Variants in GPC5 observed in about 807,000 individuals in gnomAD.
GPC5 encodes glypican 5.
Under a neutral mutation model 53.9 loss-of-function variants are expected in GPC5, and 47 were observed. That is an observed-to-expected ratio of 0.87 (90% CI 0.69 to 1.11). The LOEUF (loss-of-function observed/expected upper bound fraction) is 1.11. Ranked by LOEUF, GPC5 falls within the 50% of genes most tolerant of loss-of-function variation. The probability of loss-of-function intolerance (pLI) is 0.00; values close to 1 mark genes in which losing one functional copy is unlikely to be tolerated. For missense variants in GPC5, 748 were observed against 713.1 expected, an observed-to-expected ratio of 1.05 and a Z score of -0.56; for synonymous variants, 286 against 263.3, an observed-to-expected ratio of 1.09 and a Z score of -0.84.
intron 3 of GPC5, among the ~76,000 whole-genome samples, chr13:91,705,595 G>A (rs1005490571): frequency 6.6e-6 from 1 of 152,130 alleles, no homozygotes; most frequent in South Asian, 2.1e-4. Flanking sequence ...ATCATCGTTG[G>A]GGGGAAGGAT....
intron 7 of GPC5, among the ~76,000 whole-genome samples, chr13:92,713,489 T>C (rs1026974839): frequency 2.7e-5 from 4 of 148,462 alleles, no homozygotes; most frequent in Non-Finnish European, 4.4e-5. Context: ...GCACCTGTAG[T>C]CCCAGCTACT....
At chr13:92,312,208 C>G (rs2043149565) in intron 7 of GPC5, among the ~76,000 whole-genome samples, 1 of 152,080 alleles carries the variant, frequency 6.6e-6, no homozygotes, top group East Asian at 1.9e-4. Flanking sequence ...GATTTCAAAG[C>G]CTTTCTTCAA....
intron 7 of GPC5, among the ~76,000 whole-genome samples, chr13:92,360,320 A>G (rs555931771): frequency 6.6e-6 from 1 of 151,848 alleles, no homozygotes; most frequent in African/African-American, 2.4e-5. Context: ...GGTTGGTTCA[A>G]TATATGCAAA....
At chr13:91,478,162 A>T (rs1449839366) in intron 2 of GPC5, among the ~76,000 whole-genome samples, 1 of 152,070 alleles carries the variant, frequency 6.6e-6, no homozygotes, top group Non-Finnish European at 1.5e-5. Flanking sequence ...AATGCATAAA[A>T]CTTTAAAAAA....
At chr13:91,990,335 A>G (rs189632054) in intron 6 of GPC5, among the ~76,000 whole-genome samples, 286 of 152,268 alleles carry the variant, frequency 1.9e-3, no homozygotes, top group African/African-American at 5.8e-3. Flanking sequence ...TTCTCTGGCC[A>G]TGTGACAGAT....
Position 92,088,805 on chromosome 13 carries a change from T to C in GPC5, c.1402-56025T>C, listed in dbSNP as rs544104156. Among the ~76,000 whole-genome samples, 4 of 152,368 alleles carry C rather than the reference T, an allele frequency of 2.6e-5. No individual in the cohort carries two copies. In the East Asian group the frequency reaches 7.7e-4, roughly 29 times the overall value. ...TTTAATCTTCACTGTATTTCAGTCA[T>C]GGTCTTCAGGCTTCAAAGTGACCTT... On this transcript the variant is annotated intron_variant, in intron 6 of 7. Transcript: ENST00000377067.
At chr13:92,276,547 A>G (rs924146550) in intron 7 of GPC5, among the ~76,000 whole-genome samples, 1 of 152,084 alleles carries the variant, frequency 6.6e-6, no homozygotes, top group Non-Finnish European at 1.5e-5. Context: ...GATTAAGGTG[A>G]CCATTACATT....
chr13:92,145,001 A>G lies in GPC5; in HGVS notation c.1561+12A>G. 7.3e-7 allele frequency: 1 copy of G among 1,366,964 alleles called. No homozygotes were observed. Among genetic ancestry groups the G allele is most frequent in the South Asian group, 2.2e-5 (1 of 44,802 alleles). 84.7% of individuals were successfully genotyped at this position (1,366,964 alleles called of 1,614,324 possible). ...GAAGATCACAGACTGTAAGTGTATG[A>G]TTCTAACACCACTTTTTTAAAACAA... On this transcript the variant is annotated intron_variant, in intron 7 of 7. Transcript: ENST00000377067.
chr13:91,688,263 A>T (rs2035665332), intron 2 of GPC5, among the ~76,000 whole-genome samples: 1 of 152,142 alleles, frequency 6.6e-6, no homozygotes, highest in Admixed American at 6.5e-5. Flanking sequence ...CATTTTTGAT[A>T]GGTGTTTACA....
intron 7 of GPC5, among the ~76,000 whole-genome samples, chr13:92,174,711 A>G (rs147466274): frequency 4.6e-5 from 7 of 152,352 alleles, no homozygotes; most frequent in Non-Finnish European, 7.3e-5. Flanking sequence ...CAGATTAGTC[A>G]AAAATACGGT....
At chr13:92,439,150 C>T (rs1314269084) in intron 7 of GPC5, among the ~76,000 whole-genome samples, 2 of 152,084 alleles carry the variant, frequency 1.3e-5, no homozygotes, top group Non-Finnish European at 2.9e-5. Context: ...TTATCTGGTC[C>T]ACTGAGGATT....
intron 7 of GPC5, among the ~76,000 whole-genome samples, chr13:92,798,315 A>G (rs1281818519): frequency 1.3e-5 from 2 of 151,878 alleles, no homozygotes; most frequent in Non-Finnish European, 1.5e-5. Flanking sequence ...GCAATTCACA[A>G]TGGTGTAAAG....
chr13:92,766,554 A>G (rs1875413046), intron 7 of GPC5, among the ~76,000 whole-genome samples: 1 of 152,224 alleles, frequency 6.6e-6, no homozygotes, highest in African/African-American at 2.4e-5. Context: ...GAAATAAAAC[A>G]TATCAAAGTC....
At chr13:92,625,257 T>C (rs1199260263) in intron 7 of GPC5, among the ~76,000 whole-genome samples, 2 of 152,218 alleles carry the variant, frequency 1.3e-5, no homozygotes, top group African/African-American at 4.8e-5. Flanking sequence ...TCTTTGATTT[T>C]CATAACTCAG....
chr13:92,705,559 T>A (rs1887920362), intron 7 of GPC5, among the ~76,000 whole-genome samples: 1 of 152,120 alleles, frequency 6.6e-6, no homozygotes, highest in Non-Finnish European at 1.5e-5. Flanking sequence ...TTTCTTTCTA[T>A]CTTGAAATAA....
chr13:91,916,918 A>G (rs1325341359), intron 6 of GPC5, among the ~76,000 whole-genome samples: 2 of 152,216 alleles, frequency 1.3e-5, no homozygotes, highest in Non-Finnish European at 2.9e-5. Flanking sequence ...ATTATAATTC[A>G]AGATGAGATT....
At chr13:91,715,978 T>C (rs1362712358) in intron 3 of GPC5, among the ~76,000 whole-genome samples, 1 of 152,154 alleles carries the variant, frequency 6.6e-6, no homozygotes, top group Non-Finnish European at 1.5e-5. Context: ...AAGGTCTCAC[T>C]CTGTATCCCA....
At chr13:92,385,589 GCATATATA>G (rs1416251917) in intron 7 of GPC5, among the ~76,000 whole-genome samples, 1 of 124,546 alleles carries the variant, frequency 8.0e-6, no homozygotes, top group Non-Finnish European at 1.6e-5. Context: ...TAATATATAC[GCATATATA>G]CATATATACA....
intron 7 of GPC5, among the ~76,000 whole-genome samples, chr13:92,584,709 C>T (rs866992939): frequency 1.8e-4 from 28 of 152,272 alleles, no homozygotes; most frequent in Middle Eastern, 3.4e-3. Flanking sequence ...CATGGCAGCC[C>T]TTTCATCACA....
Sources: allele counts gnomAD v4.1 joint callset (sites outside exome capture counted in the v4.1 genomes callset), GRCh38; gene constraint gnomAD v4.1.1; transcripts MANE v1.5; gene names NCBI Gene and HGNC (gene_info 2026-07-23, HGNC 2026-07-21).